The following ZNF469 variants were observed in gnomAD, a reference collection of about 807,000 sequenced individuals.
ZNF469 encodes the protein zinc finger protein 469.
Under a neutral mutation model 1.0 loss-of-function variants are expected in ZNF469, and 1 was observed. That is an observed-to-expected ratio of 1.00 (90% CI 0.35 to 4.73). The LOEUF is 4.73. Among genes scored for constraint, ZNF469 ranks in the 30% most tolerant of loss-of-function variants. The pLI, the probability that ZNF469 is intolerant of heterozygous loss-of-function variation, is 0.16. For missense variants in ZNF469, 6,100 were observed against 5,356.3 expected (o/e 1.14, Z -4.33); for synonymous variants, 2,703 against 2,363.4 (o/e 1.14, Z -4.17).
chr16:88,174,190 G>A, the ZNF469 span, among the ~76,000 whole-genome samples: 1 of 152,174 alleles, frequency 6.6e-6, no homozygotes, highest in Non-Finnish European at 1.5e-5. Context: ...TAGAAAGATA[G>A]AGTGGCTCTA....
At chr16:88,271,130 G>A in the ZNF469 span, among the ~76,000 whole-genome samples, 2 of 151,898 alleles carry the variant, frequency 1.3e-5, no homozygotes, top group African/African-American at 4.8e-5. Flanking sequence ...TGCCTTATAG[G>A]GTTGTTGAAA....
chr16:88,439,605 A>G lies in ZNF469; in HGVS notation c.*273A>G. On this transcript the variant is annotated 3_prime_UTR_variant, in exon 3 of 3. Coordinates refer to ENST00000565624, the MANE Select transcript of ZNF469 (RefSeq NM_001367624.2). ...CTGTTTTCTTGGTACCAAGTACTTGAAGAGACAGCAGCCCATCCCCTCAGC... is the reference window on the plus strand; with the variant it reads ...CTGTTTTCTTGGTACCAAGTACTTGGAGAGACAGCAGCCCATCCCCTCAGC... The G allele has an allele frequency of 2.0e-6, 1 of 492,044 alleles. No individual in the cohort carries two copies. The highest frequency in any genetic ancestry group is 3.7e-6 in the Non-Finnish European group (1 of 269,154). 30.5% of individuals were successfully genotyped at this position (492,044 alleles called of 1,614,324 possible). A position where few individuals can be genotyped will look rare whatever the true frequency, so the allele number is the denominator to read the frequency against.
chr16:88,431,399 C>T lies in ZNF469; in HGVS notation c.3929C>T (p.Ala1310Val). 2 of 1,550,204 alleles carry T rather than the reference C, an allele frequency of 1.3e-6. No homozygotes were observed. The highest frequency in any genetic ancestry group is 1.7e-6 in the Non-Finnish European group (2 of 1,146,970). The change falls in exon 3 of 3, where the codon GCC becomes GTC. Residue 1310 changes from alanine to valine, a missense_variant. By Grantham distance (64) the Ala-to-Val change is moderately conservative. Coordinates refer to ENST00000565624, the MANE Select transcript of ZNF469 (RefSeq NM_001367624.2). ...SLLGGPGGTQ[A>V]PVSHNSKDPP... is the part of the protein sequence containing the mutation. ...CTGGGTGGTCCTGGGGGCACACAGGCCCCAGTCTCCCACAACAGCAAGGAC... is the reference window on the plus strand; with the variant it reads ...CTGGGTGGTCCTGGGGGCACACAGGTCCCAGTCTCCCACAACAGCAAGGAC...
chr16:88,435,337 T>A lies in ZNF469; in HGVS notation c.7867T>A (p.Ser2623Thr). ...GTGGCGCCGAGAGCCCACCGTGGAC[T>A]CTCCTAGCCACTCAGAGGGGAAGTC... Reference protein sequence around the residue: ...RRWRREPTVDSPSHSEGKSNK... With the variant: ...RRWRREPTVDTPSHSEGKSNK... The change falls in exon 3 of 3, where the codon TCT becomes ACT. Residue 2623 changes from serine to threonine, a missense_variant. Coordinates refer to ENST00000565624, the MANE Select transcript of ZNF469 (RefSeq NM_001367624.2). 6.5e-7 allele frequency: 1 copy of A among 1,550,148 alleles called. No homozygotes were observed. Among genetic ancestry groups the A allele is most frequent in the Non-Finnish European group, 8.7e-7 (1 of 1,146,946 alleles).
upstream of ZNF469, among the ~76,000 whole-genome samples, chr16:88,380,984 A>C (rs916730250): frequency 2.0e-4 from 26 of 131,484 alleles, no homozygotes; most frequent in African/African-American, 7.1e-4. Context: ...ACACATATGC[A>C]CTCACACAGA....
chr16:88,184,647 C>T, the ZNF469 span, among the ~76,000 whole-genome samples: 2 of 152,010 alleles, frequency 1.3e-5, no homozygotes, highest in Non-Finnish European at 2.9e-5. Flanking sequence ...GCACCGCTGT[C>T]GCCGCAAAGC....
chr16:88,222,002 T>G, the ZNF469 span, among the ~76,000 whole-genome samples: 1 of 152,036 alleles, frequency 6.6e-6, no homozygotes. Flanking sequence ...TCTCACAGTC[T>G]CTGGGCCGTG....
Position 88,432,220 on chromosome 16 carries a change from G to T in ZNF469, c.4750G>T (p.Ala1584Ser). Reference sequence around the variant, plus strand: ...GCAAAGGAGCAAAGACACACGTGGGGCCCCGAGAGAGCTTGCAGAAGCTGA... The same window carrying T: ...GCAAAGGAGCAAAGACACACGTGGGTCCCCGAGAGAGCTTGCAGAAGCTGA... The part of the protein sequence containing the change: ...QLQRSKDTRG[A>S]PRELAEAESV... Residue 1584 changes from alanine to serine, a missense_variant, in exon 3 of 3, where the codon GCC (alanine) becomes TCC (serine). Physicochemically the swap from Ala to Ser is moderately conservative, Grantham distance 99. Coordinates refer to ENST00000565624, the MANE Select transcript of ZNF469 (RefSeq NM_001367624.2). The T allele has an allele frequency of 1.3e-6, 2 of 1,549,818 alleles. No individual in the cohort carries two copies. Among genetic ancestry groups the T allele is most frequent in the South Asian group, 1.2e-5 (1 of 84,062 alleles).
chr16:88,215,675 C>T, the ZNF469 span, among the ~76,000 whole-genome samples: 1 of 151,922 alleles, frequency 6.6e-6, no homozygotes, highest in Non-Finnish European at 1.5e-5. Context: ...TAGGTGTGAG[C>T]CACTACACCT....
chr16:88,285,833 G>A, the ZNF469 span, among the ~76,000 whole-genome samples: 1 of 152,364 alleles, frequency 6.6e-6, no homozygotes, highest in East Asian at 1.9e-4. Context: ...TGCAGTGGTG[G>A]CAAATGCTTT....
chr16:88,285,936 C>T, the ZNF469 span, among the ~76,000 whole-genome samples: 1 of 152,266 alleles, frequency 6.6e-6, no homozygotes, highest in Non-Finnish European at 1.5e-5. Context: ...CTCCTGCTGA[C>T]CCTGTGAAGG....
At chr16:88,406,872 G>A (rs1376910573) in intron 1 of ZNF469, among the ~76,000 whole-genome samples, 7 of 152,196 alleles carry the variant, frequency 4.6e-5, no homozygotes, top group African/African-American at 7.2e-5. Context: ...TCGGCCCCCA[G>A]GTCTCCTGAT....
At chr16:88,271,168 C>T in the ZNF469 span, among the ~76,000 whole-genome samples, 148,587 of 151,624 alleles carry the variant, frequency 0.98, 72,867 homozygotes, top group Middle Eastern at 1. Flanking sequence ...GCACAGAATG[C>T]TCGAGCCCAG....
the ZNF469 span, among the ~76,000 whole-genome samples, chr16:88,321,191 G>T: frequency 6.6e-6 from 1 of 152,258 alleles, no homozygotes. Context: ...AGGTCCTGGG[G>T]TGCCCCCCAC....
chr16:88,366,959 ATC>A, the ZNF469 span, among the ~76,000 whole-genome samples: 3 of 151,946 alleles, frequency 2.0e-5, no homozygotes, highest in East Asian at 3.9e-4. Flanking sequence ...TGCTAACATG[ATC>A]TCTGTCATTA....
chr16:88,109,314 C>A, the ZNF469 span, among the ~76,000 whole-genome samples: 1 of 152,226 alleles, frequency 6.6e-6, no homozygotes, highest in Non-Finnish European at 1.5e-5. Context: ...AGTGGCTCCC[C>A]CTGTCCAGGC....
chr16:88,267,396 C>G, the ZNF469 span, among the ~76,000 whole-genome samples: 1 of 152,196 alleles, frequency 6.6e-6, no homozygotes, highest in Non-Finnish European at 1.5e-5. Context: ...GCCCGGGAGC[C>G]CGACGCACAC....
the ZNF469 span, among the ~76,000 whole-genome samples, chr16:88,368,334 C>T: frequency 6.6e-6 from 1 of 152,346 alleles, no homozygotes; most frequent in African/African-American, 2.4e-5. Flanking sequence ...GGACGCCATC[C>T]CTGAGCCGGC....
the ZNF469 span, among the ~76,000 whole-genome samples, chr16:88,225,765 G>A: frequency 2.0e-5 from 3 of 152,202 alleles, no homozygotes. Flanking sequence ...CTATGAACCA[G>A]GAAGGGGCCT....
Sources: allele counts gnomAD v4.1 joint callset (sites outside exome capture counted in the v4.1 genomes callset), GRCh38; gene constraint gnomAD v4.1.1; transcripts MANE v1.5; gene names NCBI Gene and HGNC (gene_info 2026-07-23, HGNC 2026-07-21).